Variants in GRIA1 observed in about 807,000 individuals in gnomAD.
The protein encoded by GRIA1 is glutamate receptor 1.
A neutral mutation model predicts 99.2 loss-of-function variants in GRIA1; 31 were observed. That is an observed-to-expected ratio of 0.31 (90% CI 0.23 to 0.42). GRIA1 has a LOEUF of 0.42. Among genes scored for constraint, GRIA1 ranks in the 10% least tolerant of loss-of-function variants. GRIA1 has a pLI of 1.00. For missense variants in GRIA1, 782 were observed against 1,157.5 expected, an observed-to-expected ratio of 0.68 and a Z score of 4.71; for synonymous variants, 438 against 432.4, an observed-to-expected ratio of 1.01 and a Z score of -0.16.
intron 2 of GRIA1, among the ~76,000 whole-genome samples, chr5:153,536,829 A>G (rs1200711255): frequency 6.6e-6 from 1 of 152,172 alleles, no homozygotes; most frequent in Non-Finnish European, 1.5e-5. Context: ...TTTCCGGTCA[A>G]TTCTCTCTTC....
intron 2 of GRIA1, among the ~76,000 whole-genome samples, chr5:153,570,806 G>A (rs984785265): frequency 1.1e-4 from 16 of 152,136 alleles, no homozygotes; most frequent in Non-Finnish European, 2.1e-4. Context: ...CACATAGTAA[G>A]TGCTTCATAA....
intron 8 of GRIA1, among the ~76,000 whole-genome samples, chr5:153,691,345 A>G (rs1757736648): frequency 6.6e-6 from 1 of 152,124 alleles, no homozygotes; most frequent in African/African-American, 2.4e-5. Context: ...ATTATCTTAC[A>G]TTTTTCATCG....
intron 11 of GRIA1, among the ~76,000 whole-genome samples, chr5:153,719,855 T>G (rs1759932445): frequency 6.6e-6 from 1 of 152,208 alleles, no homozygotes; most frequent in South Asian, 2.1e-4. Context: ...GGAATCATTA[T>G]GAAGATCGAA....
At chr5:153,642,635 CA>C (rs1490453284) in intron 2 of GRIA1, among the ~76,000 whole-genome samples, 2 of 104,328 alleles carry the variant, frequency 1.9e-5, no homozygotes, top group Non-Finnish European at 4.4e-5. Context: ...GACCCTGTTT[CA>C]GAAAAAAAAA....
At chr5:153,578,357 A>G (rs1762761299) in intron 2 of GRIA1, among the ~76,000 whole-genome samples, 1 of 152,190 alleles carries the variant, frequency 6.6e-6, no homozygotes, top group Admixed American at 6.5e-5. Context: ...TTCATGCTAC[A>G]AAACAATTTG....
intron 8 of GRIA1, among the ~76,000 whole-genome samples, chr5:153,693,365 A>G (rs1265925103): frequency 1.3e-5 from 2 of 152,214 alleles, no homozygotes; most frequent in African/African-American, 4.8e-5. Context: ...TCTCTACACC[A>G]TGGAAGGAAA....
chr5:153,705,046 T>G (rs1439674565), intron 10 of GRIA1, among the ~76,000 whole-genome samples: 1 of 152,210 alleles, frequency 6.6e-6, no homozygotes, highest in African/African-American at 2.4e-5. Context: ...CAAACTGACT[T>G]AGGCAAACTG....
intron 2 of GRIA1, 128 bp downstream of exon 2, chr5:153,494,193 C>A: frequency 3.1e-6 from 3 of 979,806 alleles, no homozygotes; most frequent in South Asian, 1.6e-5. Context: ...GAAAGCCCTC[C>A]AAGAAAAATT....
rs533399842 is a variant in GRIA1 at position 153,658,796 on chromosome 5, T to C, written c.699+2924T>C. Among the ~76,000 whole-genome samples the C allele has an allele frequency of 1.1e-4, 17 of 152,276 alleles. No individual in the cohort carries two copies. In the South Asian group the frequency reaches 3.5e-3, roughly 32 times the overall value. On this transcript the variant is annotated intron_variant, in intron 5 of 15. Transcript: ENST00000285900. The stretch of plus-strand genomic sequence containing the variant: ...GCTACACTTTTATTTTACAGTTCTT[T>C]CTGTCCCTGTCGGAATGCATGAGCT...
chr5:153,543,061 AT>A (rs1056950082), intron 2 of GRIA1, among the ~76,000 whole-genome samples: 3 of 152,188 alleles, frequency 2.0e-5, no homozygotes, highest in African/African-American at 7.2e-5. Flanking sequence ...TAACTAGTAA[AT>A]GTTTTGCCTT....
At chr5:153,754,162 C>T (rs13168358) in intron 11 of GRIA1, among the ~76,000 whole-genome samples, 39,647 of 152,008 alleles carry the variant, frequency 0.26, 6,585 homozygotes, top group East Asian at 0.92. Flanking sequence ...AATTCCAGCT[C>T]CCTGCGTTTA....
At chr5:153,575,286 T>C (rs1232068466) in intron 2 of GRIA1, among the ~76,000 whole-genome samples, 1 of 152,046 alleles carries the variant, frequency 6.6e-6, no homozygotes, top group Admixed American at 6.5e-5. Flanking sequence ...GAAAGCCTCA[T>C]AATGTCCATT....
chr5:153,512,859 TGGTAG>T lies in GRIA1; in HGVS notation c.220+18795_220+18799del, dbSNP rs1291292174. Among the ~76,000 whole-genome samples, 4 of 152,178 alleles carry T rather than the reference TGGTAG, an allele frequency of 2.6e-5. No homozygotes were observed. In the East Asian group the frequency reaches 7.7e-4, roughly 29 times the overall value. On this transcript the variant is annotated intron_variant, in intron 2 of 15. Transcript: ENST00000285900. The stretch of plus-strand genomic sequence containing the variant: ...GTTAAAGCCCTAACCTCCAGCATGA[TGGTAG>T]TGGGTTTAGCTGTCGTCATGAGGAT...
rs1754186049 is a variant in GRIA1 at position 153,494,080 on chromosome 5, C to T, written c.220+15C>T. ...GACCTATAGATGTAAGTAATTGCTT[C>T]TATTTCTGAGATGTCTTTCTGCGCT... On this transcript the variant is annotated intron_variant, in intron 2 of 15. Coordinates refer to ENST00000285900, the MANE Select transcript of GRIA1 (RefSeq NM_000827.4). 1.2e-5 allele frequency: 20 copies of T among 1,612,662 alleles called. No homozygotes were observed. The highest frequency in any genetic ancestry group is 1.6e-5 in the Non-Finnish European group (19 of 1,179,390).
At chr5:153,589,134 T>C (rs983883291) in intron 2 of GRIA1, among the ~76,000 whole-genome samples, 1 of 152,174 alleles carries the variant, frequency 6.6e-6, no homozygotes, top group Non-Finnish European at 1.5e-5. Flanking sequence ...TTGCTTACCA[T>C]TTATTTAGTC....
chr5:153,571,156 T>TAA (rs1443967002), intron 2 of GRIA1, among the ~76,000 whole-genome samples: 1 of 152,202 alleles, frequency 6.6e-6, no homozygotes, highest in African/African-American at 2.4e-5. Context: ...CTATCCATTA[T>TAA]AAGATGCCAG....
chr5:153,600,498 A>G (rs1321395739), intron 2 of GRIA1, among the ~76,000 whole-genome samples: 1 of 152,056 alleles, frequency 6.6e-6, no homozygotes, highest in Admixed American at 6.5e-5. Flanking sequence ...GGAAAGAAAT[A>G]GCGCTTTTCC....
chr5:153,567,979 A>T (rs571268492), intron 2 of GRIA1, among the ~76,000 whole-genome samples: 2 of 152,264 alleles, frequency 1.3e-5, no homozygotes, highest in South Asian at 2.1e-4. Context: ...TATAGGAAAT[A>T]AGCTGTAGAT....
chr5:153,798,283 A>G (rs1024144881), intron 14 of GRIA1, among the ~76,000 whole-genome samples: 5 of 152,202 alleles, frequency 3.3e-5, no homozygotes, highest in African/African-American at 1.2e-4. Flanking sequence ...CCCAGGAAGT[A>G]GTCAACTGCT....
Sources: gnomAD v4.1 joint callset for allele counts (sites outside exome capture counted in the v4.1 genomes callset) on GRCh38, gnomAD v4.1.1 for gene constraint, MANE v1.5 for transcripts, NCBI Gene and HGNC (gene_info 2026-07-23, HGNC 2026-07-21) for gene names.